ATAD2: variants seen among roughly 807,000 people sequenced by gnomAD.
The protein encoded by ATAD2 is ATPase family AAA domain-containing protein 2.
In ATAD2, 62 loss-of-function variants were observed where a neutral mutation model predicts 168.9. That is an observed-to-expected ratio of 0.37 (90% CI 0.30 to 0.45). The LOEUF is 0.45. ATAD2 is among the 20% of genes least tolerant of loss of function. The pLI is 1.00. For missense variants in ATAD2, 1,419 were observed against 1,667.8 expected (o/e 0.85, Z 2.60); for synonymous variants, 613 against 571.6 (o/e 1.07, Z -1.03).
At position 123,329,775 on chromosome 8, in the gene ATAD2, A is replaced by AAAATT. The variant is rs1554641633; in HGVS notation, c.3479-1197_3479-1196insAATTT. ...AAAAAAAAAAAAAAAAAAAAAAAAA[A>AAAATT]TTTTTCACTTTAACCCAATGAAGTT... On this transcript the variant is annotated intron_variant, in intron 24 of 27. Transcript: ENST00000287394. Among the ~76,000 whole-genome samples, 3 of 129,538 alleles carry AAAATT rather than the reference A, an allele frequency of 2.3e-5. 1 individual carries two copies. Among genetic ancestry groups the AAAATT allele is most frequent in the South Asian group, 4.6e-4 (2 of 4,334 alleles). 85.0% of individuals were successfully genotyped at this position (129,538 alleles called of 152,430 possible).
chr8:123,371,624 A>G, intron 4 of ATAD2, 46 bp downstream of exon 4: 3 of 1,514,994 alleles, frequency 2.0e-6, no homozygotes, highest in Non-Finnish European at 1.8e-6. Flanking sequence ...CCCAACAAAA[A>G]GTCTCTGACA....
Position 123,404,292 on chromosome 8 carries a change from C to T in ATAD2, c.-2281-3117G>A, listed in dbSNP as rs538135399. ...TTCCTGAGGCTGCTGCAACAACTTA[C>T]CAAAAACTTGGTGGCTTAAAACAAC... On this transcript the variant is annotated intron_variant, in intron 1 of 28. Coordinates refer to the ATAD2 transcript ENST00000521903. Among the ~76,000 whole-genome samples, 14 of 152,192 alleles carry T rather than the reference C, an allele frequency of 9.2e-5. No homozygotes were observed. The South Asian group carries it at 2.9e-3, about 32-fold the overall frequency.
At chr8:123,337,893 CAG>C (rs371641166) in intron 20 of ATAD2, 72 bp from the exon 21 acceptor site, 2 of 1,407,010 alleles carry the variant, frequency 1.4e-6, no homozygotes, top group African/African-American at 1.4e-5. Context: ...TTAATGAAAA[CAG>C]AGTCAGGATT....
chr8:123,412,172 A>T (rs190793320), intron 1 of ATAD2, among the ~76,000 whole-genome samples: 5 of 152,244 alleles, frequency 3.3e-5, no homozygotes, highest in African/African-American at 1.2e-4. Context: ...ATAAGACATC[A>T]GGAGCCTGGG....
chr8:123,400,548 T>C (rs1812982245), upstream of ATAD2: 1 of 451,530 alleles, frequency 2.2e-6, no homozygotes, highest in South Asian at 1.9e-5. The surrounding 1 kb of genome is among the most constrained non-coding windows in gnomAD (Gnocchi z 4.5). Flanking sequence ...AGCGGGTGTT[T>C]ATGTTGGGTC....
In ATAD2 at chr8:123,324,119, AAT is replaced by A. The variant is rs527957201; in HGVS notation, c.4003-1055_4003-1054del. Among the ~76,000 whole-genome samples the A allele has an allele frequency of 2.8e-4, 42 of 152,308 alleles. No individual in the cohort carries two copies. In the East Asian group the frequency reaches 8.1e-3, roughly 29 times the overall value. ...GTTTTCAGTTCCACATATATTTTTT[AAT>A]AGAGTTTTTCAGAAAGACTACAGTT... On this transcript the variant is annotated intron_variant, in intron 26 of 27. Transcript: ENST00000287394.
intron 27 of ATAD2, among the ~76,000 whole-genome samples, chr8:123,321,950 A>G (rs1295197615): frequency 3.9e-5 from 6 of 151,974 alleles, no homozygotes; most frequent in Admixed American, 1.3e-4. Context: ...AATTAACACT[A>G]TAATACCTAC....
intron 11 of ATAD2, among the ~76,000 whole-genome samples, chr8:123,358,520 G>T (rs1005202022): frequency 2.2e-4 from 34 of 151,764 alleles, no homozygotes; most frequent in African/African-American, 8.0e-4. Flanking sequence ...AATTTTTTGG[G>T]TATTTTTAGT....
chr8:123,335,002 A>G (rs1827877749), intron 22 of ATAD2, among the ~76,000 whole-genome samples: 1 of 152,216 alleles, frequency 6.6e-6, no homozygotes, highest in Non-Finnish European at 1.5e-5. Flanking sequence ...TAGTGGTTCC[A>G]GAACTCAGCA....
chr8:123,398,991 G>A (rs935207071), upstream of ATAD2, among the ~76,000 whole-genome samples: 12 of 152,272 alleles, frequency 7.9e-5, no homozygotes, highest in Non-Finnish European at 1.5e-4. Context: ...GGCTGGGCAC[G>A]GTGGCTCACG....
chr8:123,367,893 T>C (rs547931134), intron 8 of ATAD2, among the ~76,000 whole-genome samples: 43 of 152,342 alleles, frequency 2.8e-4, no homozygotes, highest in African/African-American at 1.0e-3. Context: ...GCTGCTTCCA[T>C]GACCAAAACA....
At chr8:123,369,522 G>A (rs1022675003) in intron 7 of ATAD2, 1 of 341,178 alleles carries the variant, frequency 2.9e-6, no homozygotes, top group African/African-American at 2.1e-5. Flanking sequence ...TAAATCAAAA[G>A]AAGTCCTATC....
chr8:123,358,870 A>AT (rs1430787113), intron 11 of ATAD2, among the ~76,000 whole-genome samples: 3 of 150,990 alleles, frequency 2.0e-5, no homozygotes, highest in Admixed American at 1.3e-4. Context: ...GGCCTGGCTA[A>AT]TTTTTTGTAT....
intron 13 of ATAD2, among the ~76,000 whole-genome samples, chr8:123,350,768 A>G (rs1828426241): frequency 6.6e-6 from 1 of 151,604 alleles, no homozygotes; most frequent in Non-Finnish European, 1.5e-5. Context: ...TCTGTCTCCC[A>G]GGCTGGAGTG....
At chr8:123,381,851 G>A (rs574637505) in intron 1 of ATAD2, among the ~76,000 whole-genome samples, 1 of 152,204 alleles carries the variant, frequency 6.6e-6, no homozygotes, top group African/African-American at 2.4e-5. Context: ...GACCAGCCTG[G>A]CCATGGCCAA....
At chr8:123,361,761 A>G (rs1298545227) in intron 8 of ATAD2, 115 bp from the exon 9 acceptor site, 1 of 721,162 alleles carries the variant, frequency 1.4e-6, no homozygotes, top group African/African-American at 1.8e-5. Context: ...AAATTAATAC[A>G]TCTGCTGACC....
intron 1 of ATAD2, among the ~76,000 whole-genome samples, chr8:123,394,419 C>A (rs965897430): frequency 6.6e-6 from 1 of 152,026 alleles, no homozygotes; most frequent in Non-Finnish European, 1.5e-5. Flanking sequence ...CACCTGAGGT[C>A]GGAGTTCGAG....
In ATAD2 at chr8:123,329,981, C is replaced by CTTTTTTTTTT. The variant is rs71310666; in HGVS notation, c.3479-1412_3479-1403dup. Among the ~76,000 whole-genome samples, 176 of 100,296 alleles carry CTTTTTTTTTT rather than the reference C, an allele frequency of 1.8e-3. 1 individual carries two copies. Among genetic ancestry groups the CTTTTTTTTTT allele is most frequent in the African/African-American group, 6.2e-3 (171 of 27,582 alleles). The allele number at this position is 100,296 out of a possible 152,430, so 65.8% of individuals were successfully genotyped here. A position where few individuals can be genotyped will look rare whatever the true frequency, so the allele number is the denominator to read the frequency against. On this transcript the variant is annotated intron_variant, in intron 24 of 27. Coordinates refer to ENST00000287394, the MANE Select transcript of ATAD2 (RefSeq NM_014109.4). ...AGATTACCTTTCTCCCCAGTGGCTT[C>CTTTTTTTTTT]TTTTTTTTTTTTTTTTTTTTTTTTG...
At chr8:123,405,362 T>G (rs987552396) in intron 1 of ATAD2, among the ~76,000 whole-genome samples, 10 of 151,826 alleles carry the variant, frequency 6.6e-5, no homozygotes, top group African/African-American at 2.2e-4. Context: ...GCTCAAGTGA[T>G]TCTTCTGCCT....
Sources: allele counts gnomAD v4.1 joint callset (sites outside exome capture counted in the v4.1 genomes callset), GRCh38; gene constraint gnomAD v4.1.1; non-coding constraint Gnocchi (gnomAD v3.1); transcripts MANE v1.5; gene names NCBI Gene and HGNC (gene_info 2026-07-23, HGNC 2026-07-21).